SNTG2: variants seen among roughly 807,000 people sequenced by gnomAD.
The protein encoded by SNTG2 is syntrophin gamma 2.
A neutral mutation model predicts 70.9 loss-of-function variants in SNTG2; 74 were observed. That is an observed-to-expected ratio of 1.04 (90% confidence interval 0.86 to 1.27). The LOEUF (loss-of-function observed/expected upper bound fraction) is 1.27, where lower values mean the gene tolerates loss of function less well. SNTG2 is among the 50% of genes most tolerant of loss of function. The pLI, the probability that SNTG2 is intolerant of heterozygous loss-of-function variation, is 0.00. For missense variants in SNTG2, 717 were observed against 690.7 expected, an observed-to-expected ratio of 1.04 and a Z score of -0.43; for synonymous variants, 278 against 273.8, an observed-to-expected ratio of 1.02 and a Z score of -0.15.
chr2:1,175,754 GT>G (rs1357795132), intron 8 of SNTG2, among the ~76,000 whole-genome samples: 1 of 152,172 alleles, frequency 6.6e-6, no homozygotes, highest in East Asian at 1.9e-4. Context: ...TATCCTCAGG[GT>G]TTTTCTCCCA....
chr2:974,142 G>A (rs1042974084), intron 1 of SNTG2, among the ~76,000 whole-genome samples: 1 of 152,102 alleles, frequency 6.6e-6, no homozygotes, highest in Non-Finnish European at 1.5e-5. Context: ...GGATGTTACC[G>A]AGAGTGTTGA....
At chr2:1,208,731 C>T (rs1572730108) in intron 8 of SNTG2, among the ~76,000 whole-genome samples, 2 of 152,142 alleles carry the variant, frequency 1.3e-5, no homozygotes, top group African/African-American at 2.4e-5. Context: ...GTGTGTCTCT[C>T]GACCTAAACT....
intron 15 of SNTG2, among the ~76,000 whole-genome samples, chr2:1,315,627 G>C (rs1210138266): frequency 6.6e-6 from 1 of 152,112 alleles, no homozygotes; most frequent in Non-Finnish European, 1.5e-5. Context: ...GGGAGTAAGA[G>C]TTTGTAGAGT....
intron 1 of SNTG2, among the ~76,000 whole-genome samples, chr2:962,900 A>G (rs11902273): frequency 0.44 from 67,535 of 152,014 alleles, 15,597 homozygotes; most frequent in Middle Eastern, 0.54. Flanking sequence ...TGAGCGTGCT[A>G]AGCCCCACAT....
chr2:1,141,096 G>A (rs1668718135), intron 6 of SNTG2, among the ~76,000 whole-genome samples: 1 of 152,182 alleles, frequency 6.6e-6, no homozygotes, highest in African/African-American at 2.4e-5. Context: ...GCAGGTCAGG[G>A]TGGGAAGCCC....
In SNTG2 at chr2:1,153,662, G is replaced by A. The variant is rs377133731; in HGVS notation, c.412-11886G>A. Among the ~76,000 whole-genome samples the A allele has an allele frequency of 3.9e-5, 6 of 152,284 alleles. No individual in the cohort carries two copies. The South Asian group carries it at 8.3e-4, about 21-fold the overall frequency. ...ATTATTCCCTGGCAATAACTTGTTC[G>A]TGTTTTACACATAATCTCTCCAAAG... On this transcript the variant is annotated intron_variant, in intron 6 of 16. Transcript: ENST00000308624.
intron 16 of SNTG2, among the ~76,000 whole-genome samples, chr2:1,316,995 A>G (rs376570965): frequency 7.0e-5 from 6 of 86,316 alleles, no homozygotes; most frequent in East Asian, 3.2e-4. Context: ...GGGATTCTGG[A>G]GCATGTAGCA....
intron 1 of SNTG2, among the ~76,000 whole-genome samples, chr2:1,057,043 C>T (rs1019268567): frequency 3.8e-4 from 57 of 151,870 alleles, no homozygotes; most frequent in African/African-American, 7.3e-5. Flanking sequence ...CGATGCATGC[C>T]GCTTCCTCCA....
chr2:1,198,195 C>T (rs1399356056), intron 8 of SNTG2, among the ~76,000 whole-genome samples: 1 of 151,852 alleles, frequency 6.6e-6, no homozygotes, highest in African/African-American at 2.4e-5. Flanking sequence ...ATAAGAAGAA[C>T]CTTAGAAACT....
intron 14 of SNTG2, among the ~76,000 whole-genome samples, chr2:1,291,748 T>G (rs1169751391): frequency 1.3e-5 from 2 of 152,228 alleles, no homozygotes; most frequent in African/African-American, 4.8e-5. Flanking sequence ...TTAATGTAGC[T>G]TTGCAGTAAG....
Position 1,115,016 on chromosome 2 carries a change from G to A in SNTG2, c.325+16606G>A, listed in dbSNP as rs1388056881. On this transcript the variant is annotated intron_variant, in intron 4 of 16. Coordinates refer to ENST00000308624, the MANE Select transcript of SNTG2 (RefSeq NM_018968.4). ...TCCTTACAGTCCTTTGAGGAGGATCGTGTGTACTAAGTGAGGTTTAACGCT... is the reference window on the plus strand; with the variant it reads ...TCCTTACAGTCCTTTGAGGAGGATCATGTGTACTAAGTGAGGTTTAACGCT... Among the ~76,000 whole-genome samples the A allele has an allele frequency of 9.3e-5, 14 of 151,182 alleles. 1 individual carries two copies. Among genetic ancestry groups the A allele is most frequent in the South Asian group, 2.1e-4 (1 of 4,730 alleles).
At position 1,097,513 on chromosome 2, in the gene SNTG2, C is replaced by G. The variant is rs1381718042; in HGVS notation, c.211-683C>G. ...CCCCCTCAGAGCAGCACCAGTCACT[C>G]ATGTCTACCTGAAGTTGGCAACAGT... On this transcript the variant is annotated intron_variant, in intron 2 of 16. Transcript: ENST00000308624. The surrounding 1 kb of genome is among the most constrained non-coding windows in gnomAD (Gnocchi z 4.1). Among the ~76,000 whole-genome samples the G allele has an allele frequency of 6.6e-6, 1 of 152,204 alleles. No individual in the cohort carries two copies. Among genetic ancestry groups the G allele is most frequent in the Non-Finnish European group, 1.5e-5 (1 of 68,046 alleles).
At chr2:1,061,956 A>G (rs997996373) in intron 1 of SNTG2, among the ~76,000 whole-genome samples, 2 of 152,254 alleles carry the variant, frequency 1.3e-5, no homozygotes, top group Non-Finnish European at 2.9e-5. Context: ...TAAATCTATA[A>G]CAAAGAAATA....
intron 1 of SNTG2, among the ~76,000 whole-genome samples, chr2:977,239 A>G (rs1041002020): frequency 3.9e-5 from 6 of 152,224 alleles, no homozygotes; most frequent in African/African-American, 1.4e-4. Context: ...GTGCAATATT[A>G]TGTAAGAAAC....
chr2:1,063,727 C>A (rs932991368), intron 1 of SNTG2, among the ~76,000 whole-genome samples: 1 of 152,128 alleles, frequency 6.6e-6, no homozygotes, highest in Admixed American at 6.5e-5. Flanking sequence ...GAAGATAGAT[C>A]AATCACATAA....
intron 6 of SNTG2, among the ~76,000 whole-genome samples, chr2:1,152,549 C>T (rs1345837257): frequency 6.9e-6 from 1 of 144,820 alleles, no homozygotes. Context: ...TGTGCACACA[C>T]GTATGTTTCT....
At chr2:1,148,450 T>C (rs950109414) in intron 6 of SNTG2, among the ~76,000 whole-genome samples, 3 of 152,210 alleles carry the variant, frequency 2.0e-5, no homozygotes, top group Non-Finnish European at 4.4e-5. Flanking sequence ...GCTGCGGGGC[T>C]GCTGTGCTGC....
chr2:1,065,311 T>C (rs1663078274), intron 1 of SNTG2, among the ~76,000 whole-genome samples: 1 of 152,120 alleles, frequency 6.6e-6, no homozygotes, highest in Non-Finnish European at 1.5e-5. Context: ...TCTAGGTGGG[T>C]GACCATATAG....
At chr2:1,314,698 A>G (rs1297518077) in intron 15 of SNTG2, among the ~76,000 whole-genome samples, 2 of 152,230 alleles carry the variant, frequency 1.3e-5, no homozygotes, top group Non-Finnish European at 1.5e-5. Flanking sequence ...TCATACTGCT[A>G]TGAAGAAATA....
Sources: allele counts gnomAD v4.1 joint callset (sites outside exome capture counted in the v4.1 genomes callset), GRCh38; gene constraint gnomAD v4.1.1; non-coding constraint Gnocchi (gnomAD v3.1); transcripts MANE v1.5; gene names NCBI Gene and HGNC (gene_info 2026-07-23, HGNC 2026-07-21).